The following TENM4 variants were observed in gnomAD, a reference collection of about 807,000 sequenced individuals.
The protein encoded by TENM4 is teneurin transmembrane protein 4, also known as teneurin-4.
Under a neutral mutation model 243.3 loss-of-function variants are expected in TENM4, and 82 were observed. The ratio of observed to expected loss-of-function variants is 0.34; its 90% confidence interval spans 0.28 to 0.40. The LOEUF (loss-of-function observed/expected upper bound fraction) is 0.40. Ranked by LOEUF, TENM4 falls within the 10% of genes least tolerant of loss-of-function variation. TENM4 has a pLI of 1.00. For missense variants in TENM4, 3,138 were observed against 3,673.3 expected, an observed-to-expected ratio of 0.85 and a Z score of 3.77; for synonymous variants, 1,412 against 1,456.3, an observed-to-expected ratio of 0.97 and a Z score of 0.69.
intron 2 of TENM4, among the ~76,000 whole-genome samples, chr11:79,296,456 T>G (rs1450768193): frequency 6.6e-6 from 1 of 152,224 alleles, no homozygotes; most frequent in Admixed American, 6.5e-5. Context: ...AGCTCACAGC[T>G]GCCTTCACTC....
intron 1 of TENM4, among the ~76,000 whole-genome samples, chr11:79,378,128 C>T (rs1857929225): frequency 6.6e-6 from 1 of 152,308 alleles, no homozygotes; most frequent in East Asian, 1.9e-4. Flanking sequence ...GCTGCTGGTA[C>T]CACCTGAAAA....
In TENM4 at chr11:79,433,608, CA is replaced by C. The variant is rs575722070; in HGVS notation, c.-321+6900del. On this transcript the variant is annotated intron_variant, in intron 1 of 33. Transcript: ENST00000278550. The stretch of plus-strand genomic sequence containing the variant: ...GTTCTTAAGGATTTTAATGATTAAC[CA>C]ATTGCCTCTGATACCCTTTTGCACT... 5.9e-5 allele frequency among the ~76,000 whole-genome samples: 9 copies of C among 152,216 alleles called. No individual in the cohort carries two copies. In the East Asian group the frequency reaches 1.7e-3, roughly 29 times the overall value.
chr11:79,322,596 C>A (rs1856910062), intron 1 of TENM4, among the ~76,000 whole-genome samples: 1 of 151,812 alleles, frequency 6.6e-6, no homozygotes, highest in African/African-American at 2.4e-5. Flanking sequence ...AAACACAACA[C>A]AACAAAAAGC....
chr11:79,175,184 A>G (rs187349350), intron 3 of TENM4, among the ~76,000 whole-genome samples: 158 of 152,362 alleles, frequency 1.0e-3, no homozygotes, highest in Non-Finnish European at 1.8e-3. Context: ...AATTTGCCAA[A>G]GTATAGCAAA....
intron 12 of TENM4, among the ~76,000 whole-genome samples, chr11:78,827,146 A>G (rs1278296624): frequency 1.3e-5 from 2 of 152,232 alleles, no homozygotes; most frequent in African/African-American, 4.8e-5. Context: ...ATATCTAACT[A>G]TATTTTTCCA....
chr11:78,861,387 C>T (rs1858815411), intron 10 of TENM4, among the ~76,000 whole-genome samples: 1 of 152,216 alleles, frequency 6.6e-6, no homozygotes, highest in Non-Finnish European at 1.5e-5. Flanking sequence ...GGTGATACCA[C>T]AGGTCAGTGG....
chr11:79,349,146 CAT>C (rs1274699031), intron 1 of TENM4, among the ~76,000 whole-genome samples: 2 of 152,158 alleles, frequency 1.3e-5, no homozygotes, highest in Non-Finnish European at 2.9e-5. Flanking sequence ...CCTCCTATCA[CAT>C]GTCTCATCCC....
chr11:78,671,499 C>T (rs1188607344), intron 31 of TENM4, among the ~76,000 whole-genome samples: 1 of 152,232 alleles, frequency 6.6e-6, no homozygotes, highest in Non-Finnish European at 1.5e-5. Context: ...AGGCTTTATG[C>T]TGCAAAGCTA....
rs573249656 is a variant in TENM4 at position 79,149,405 on chromosome 11, G to A, written c.-162-599C>T. 2.5e-4 allele frequency among the ~76,000 whole-genome samples: 38 copies of A among 152,140 alleles called. 1 individual carries two copies. Among genetic ancestry groups the A allele is most frequent in the African/African-American group, 9.2e-4 (38 of 41,506 alleles). Reference sequence around the variant, plus strand: ...TAAGGTGATAAATTTCTCTCTAAGTGCTGTCTTGGCTATATTCCACAACTT... The same window carrying A: ...TAAGGTGATAAATTTCTCTCTAAGTACTGTCTTGGCTATATTCCACAACTT... On this transcript the variant is annotated intron_variant, in intron 3 of 33. Coordinates refer to ENST00000278550, the MANE Select transcript of TENM4 (RefSeq NM_001098816.3).
intron 19 of TENM4, among the ~76,000 whole-genome samples, chr11:78,754,048 T>C (rs1856250153): frequency 6.6e-6 from 1 of 152,236 alleles, no homozygotes; most frequent in Admixed American, 6.5e-5. Flanking sequence ...CATTTCTTTA[T>C]TCTTCAAGGC....
chr11:79,407,909 CT>C (rs71457508), intron 1 of TENM4, among the ~76,000 whole-genome samples: 706 of 139,190 alleles, frequency 5.1e-3, no homozygotes, highest in Middle Eastern at 0.015. Flanking sequence ...TTTTCTTTTT[CT>C]TTTTTTTTTT....
chr11:78,896,632 G>C (rs1855804708), intron 7 of TENM4, among the ~76,000 whole-genome samples: 2 of 152,152 alleles, frequency 1.3e-5, no homozygotes, highest in South Asian at 4.1e-4. Context: ...AAAATGCCAA[G>C]CTCTCTCCTG....
intron 3 of TENM4, among the ~76,000 whole-genome samples, chr11:79,172,085 G>A (rs1402215619): frequency 6.6e-6 from 1 of 152,142 alleles, no homozygotes; most frequent in Non-Finnish European, 1.5e-5. Context: ...CTGAGTAGCT[G>A]GGACTACAGG....
intron 12 of TENM4, among the ~76,000 whole-genome samples, chr11:78,839,397 A>G (rs1858199021): frequency 6.6e-6 from 1 of 151,984 alleles, no homozygotes. Context: ...TTTAATTTTT[A>G]TTGATTTTTT....
At chr11:79,068,338 A>G (rs2136998310) in intron 5 of TENM4, 1 of 152,364 alleles carries the variant, frequency 6.6e-6, no homozygotes, top group East Asian at 1.9e-4. Flanking sequence ...GCAGAGCCAC[A>G]GTTCAAATCT....
chr11:78,812,272 C>G lies in TENM4; in HGVS notation c.1828G>C (p.Gly610Arg), dbSNP rs1469167261. 10 of 1,551,954 alleles carry G rather than the reference C, an allele frequency of 6.4e-6. No homozygotes were observed. The highest frequency in any genetic ancestry group is 8.7e-6 in the Non-Finnish European group (10 of 1,147,114). The change falls in exon 14 of 34, where the codon GGC (glycine) becomes CGC (arginine). Residue 610 changes from glycine to arginine, a missense_variant. Physicochemically the swap from Gly to Arg is moderately radical, Grantham distance 125. Transcript: ENST00000278550. ...CAGCCACTGTGGCACAAGCATCTGC[C>G]TTTCATGTATTGGCCATTTCCGCTA... is the stretch of plus-strand genomic sequence containing the variant. ...LCSGNGQYMK[G>R]RCLCHSGWKG...
In TENM4 at chr11:78,846,808, A is replaced by C. The variant is rs370927421; in HGVS notation, c.1681+7296T>G. Among the ~76,000 whole-genome samples the C allele has an allele frequency of 1.1e-3, 161 of 152,302 alleles. 1 individual carries two copies. The South Asian group carries it at 0.015, about 14-fold the overall frequency. On this transcript the variant is annotated intron_variant, in intron 12 of 33. Coordinates refer to ENST00000278550, the MANE Select transcript of TENM4 (RefSeq NM_001098816.3). ...AGGGGGTCTCAGTTGGTCTTTGTTG[A>C]ACCAAACAGACCTGATGAAGTCTGT... is the stretch of plus-strand genomic sequence containing the variant.
intron 4 of TENM4, among the ~76,000 whole-genome samples, chr11:79,085,638 G>A (rs1215092224): frequency 6.6e-6 from 1 of 152,114 alleles, no homozygotes; most frequent in African/African-American, 2.4e-5. Context: ...TGTAAATGTT[G>A]CCTTGTTATC....
At chr11:78,764,692 A>T (rs1856505046) in intron 18 of TENM4, among the ~76,000 whole-genome samples, 1 of 152,192 alleles carries the variant, frequency 6.6e-6, no homozygotes, top group Admixed American at 6.5e-5. Flanking sequence ...CTTAGTACCC[A>T]TTATGTGGCT....
Sources: allele counts gnomAD v4.1 joint callset (sites outside exome capture counted in the v4.1 genomes callset), GRCh38; gene constraint gnomAD v4.1.1; transcripts MANE v1.5; gene names NCBI Gene and HGNC (gene_info 2026-07-23, HGNC 2026-07-21).